The following ARHGAP28 variants were observed in gnomAD, a reference collection of about 807,000 sequenced individuals.
ARHGAP28 encodes the protein rho GTPase-activating protein 28.
Under a neutral mutation model 90.7 loss-of-function variants are expected in ARHGAP28, and 56 were observed. That is an observed-to-expected ratio of 0.62 (90% CI 0.50 to 0.77). The LOEUF (loss-of-function observed/expected upper bound fraction) is 0.77, where lower values mean the gene tolerates loss of function less well. Among genes scored for constraint, ARHGAP28 ranks in the 30% least tolerant of loss-of-function variants. ARHGAP28 has a pLI of 0.00. For synonymous variants in ARHGAP28, 308 were observed against 323.3 expected (o/e 0.95, Z 0.51); for missense variants, 869 against 900.9 (o/e 0.96, Z 0.45).
rs542541501 is a variant in ARHGAP28 at position 6,744,142 on chromosome 18, G to A, written c.122+14199G>A. On this transcript the variant is annotated intron_variant, in intron 1 of 17. Transcript: ENST00000383472. ...TTAACAAAAACTTCTTGGAGGAGTC[G>A]ATAGCTCAATTAAATCTAAAGAGTG... Among the ~76,000 whole-genome samples, 6 of 152,282 alleles carry A rather than the reference G, an allele frequency of 3.9e-5. No individual in the cohort carries two copies. In the South Asian group the frequency reaches 8.3e-4, roughly 21 times the overall value.
intron 17 of ARHGAP28, among the ~76,000 whole-genome samples, chr18:6,910,845 TTG>T (rs2057392846): frequency 1.3e-4 from 1 of 7,496 alleles, no homozygotes; most frequent in Non-Finnish European, 6.3e-4. Context: ...TTTGTTTTGT[TTG>T]CTTTGTTTTT....
intron 11 of ARHGAP28, among the ~76,000 whole-genome samples, chr18:6,883,520 G>A (rs982417886): frequency 6.6e-6 from 1 of 152,118 alleles, no homozygotes; most frequent in Non-Finnish European, 1.5e-5. Context: ...TTACAGGCGT[G>A]AGCCACCACA....
intron 11 of ARHGAP28, among the ~76,000 whole-genome samples, chr18:6,883,851 G>A (rs932187703): frequency 6.6e-5 from 10 of 151,954 alleles, no homozygotes; most frequent in Admixed American, 4.6e-4. Context: ...TATTTTCTTT[G>A]TAAGCTTACT....
intron 3 of ARHGAP28, among the ~76,000 whole-genome samples, chr18:6,840,090 C>T (rs1203853084): frequency 6.6e-6 from 1 of 152,186 alleles, no homozygotes; most frequent in Non-Finnish European, 1.5e-5. Context: ...ATACACAGTA[C>T]CTAGTAGACT....
At chr18:6,858,692 G>C (rs1472115453) in intron 4 of ARHGAP28, among the ~76,000 whole-genome samples, 3 of 151,660 alleles carry the variant, frequency 2.0e-5, no homozygotes, top group Non-Finnish European at 4.4e-5. Flanking sequence ...CACCACACCC[G>C]GCTAATTTTT....
At chr18:6,870,839 G>C (rs1057203887) in intron 7 of ARHGAP28, 107 bp downstream of exon 7, 4 of 1,249,554 alleles carry the variant, frequency 3.2e-6, no homozygotes, top group Non-Finnish European at 4.4e-6. Context: ...TCGCTCTATT[G>C]CCCCAGGCTG....
At chr18:6,805,943 G>C (rs2056515964) in intron 1 of ARHGAP28, among the ~76,000 whole-genome samples, 2 of 151,984 alleles carry the variant, frequency 1.3e-5, no homozygotes, top group African/African-American at 2.4e-5. Flanking sequence ...GGAGTGCAGT[G>C]GCAAGATCTT....
intron 16 of ARHGAP28, among the ~76,000 whole-genome samples, chr18:6,904,145 G>T (rs191508876): frequency 3.9e-5 from 6 of 152,316 alleles, no homozygotes; most frequent in Non-Finnish European, 7.3e-5. Context: ...TGTAATCCTA[G>T]CACTTTGGGA....
intron 5 of ARHGAP28, 55 bp from the exon 6 acceptor site, chr18:6,868,095 A>G (rs532028932): frequency 2.9e-6 from 4 of 1,398,000 alleles, no homozygotes; most frequent in East Asian, 4.6e-5. Context: ...CTGAAATGTG[A>G]GGTGGACTGT....
chr18:6,771,880 G>A (rs1196342084), intron 1 of ARHGAP28, among the ~76,000 whole-genome samples: 1 of 152,140 alleles, frequency 6.6e-6, no homozygotes, highest in East Asian at 1.9e-4. Context: ...GCATGTTAGG[G>A]TGACTAGCTG....
chr18:6,731,711 C>T (rs1159172567), intron 1 of ARHGAP28, among the ~76,000 whole-genome samples: 2 of 152,062 alleles, frequency 1.3e-5, no homozygotes, highest in African/African-American at 4.8e-5. Context: ...TCCTTGGTTC[C>T]CAGTAAAAAA....
At chr18:6,803,400 G>A (rs2056496473) in intron 1 of ARHGAP28, among the ~76,000 whole-genome samples, 1 of 151,942 alleles carries the variant, frequency 6.6e-6, no homozygotes, top group Admixed American at 6.5e-5. Flanking sequence ...TTTTTCAAAC[G>A]TTAAATCATC....
chr18:6,867,872 A>C (rs920498862), intron 5 of ARHGAP28, among the ~76,000 whole-genome samples: 1 of 152,188 alleles, frequency 6.6e-6, no homozygotes, highest in Non-Finnish European at 1.5e-5. Flanking sequence ...CATAATCTCT[A>C]CATCTTAGCA....
chr18:6,758,543 C>T (rs769010248), intron 1 of ARHGAP28, among the ~76,000 whole-genome samples: 7 of 152,160 alleles, frequency 4.6e-5, no homozygotes, highest in African/African-American at 7.2e-5. Flanking sequence ...AGGCTGGTCT[C>T]GAACTCCTGA....
chr18:6,755,941 C>T (rs1280028739), intron 1 of ARHGAP28, among the ~76,000 whole-genome samples: 1 of 152,202 alleles, frequency 6.6e-6, no homozygotes, highest in East Asian at 1.9e-4. Context: ...TGTTATTTCA[C>T]TTTCAGTCTC....
intron 1 of ARHGAP28, among the ~76,000 whole-genome samples, chr18:6,733,189 C>T (rs554258228): frequency 3.9e-4 from 60 of 152,040 alleles, no homozygotes; most frequent in Non-Finnish European, 7.2e-4. Flanking sequence ...TTCTAGGTTG[C>T]GATATATTGA....
At chr18:6,886,309 A>T (rs1439952181) in intron 11 of ARHGAP28, among the ~76,000 whole-genome samples, 1 of 152,170 alleles carries the variant, frequency 6.6e-6, no homozygotes, top group East Asian at 1.9e-4. Context: ...TTTTGAAGAA[A>T]ATACAGAGGG....
chr18:6,888,338 G>C (rs950711604), intron 12 of ARHGAP28, among the ~76,000 whole-genome samples: 3 of 149,972 alleles, frequency 2.0e-5, no homozygotes, highest in Admixed American at 6.7e-5. Context: ...AAATGAAATT[G>C]AGATAAGGAT....
At chr18:6,829,992 G>C (rs1051606492) in intron 2 of ARHGAP28, among the ~76,000 whole-genome samples, 4 of 152,088 alleles carry the variant, frequency 2.6e-5, no homozygotes, top group Non-Finnish European at 5.9e-5. Context: ...AATCCTTGGT[G>C]TTCCTTGGCT....
Sources: allele counts gnomAD v4.1 joint callset (sites outside exome capture counted in the v4.1 genomes callset), GRCh38; gene constraint gnomAD v4.1.1; transcripts MANE v1.5; gene names NCBI Gene and HGNC (gene_info 2026-07-23, HGNC 2026-07-21).